Variants in RIN2 observed in about 807,000 individuals in gnomAD.
RIN2 encodes the protein RAB5 interacting protein 2.
In RIN2, 36 loss-of-function variants were observed where a neutral mutation model predicts 78.0. The observed-to-expected ratio is 0.46, with a 90% CI of 0.35 to 0.61. The LOEUF is 0.61. RIN2 is among the 20% of genes least tolerant of loss of function. RIN2 has a pLI of 0.00. For missense variants in RIN2, 1,087 were observed against 1,159.7 expected (o/e 0.94, Z 0.91); for synonymous variants, 466 against 466.8 (o/e 1.00, Z 0.02).
intron 2 of RIN2, chr20:19,886,530 G>T: frequency 1.7e-6 from 1 of 579,732 alleles, no homozygotes; most frequent in Non-Finnish European, 3.1e-6. Flanking sequence ...TCTTTCAGTG[G>T]TGTTGTTGAA....
chr20:19,900,874 C>T (rs568204057), intron 3 of RIN2, among the ~76,000 whole-genome samples: 119 of 141,144 alleles, frequency 8.4e-4, no homozygotes, highest in African/African-American at 2.7e-3. Context: ...CGCTTGAACC[C>T]GGGAGGCGGA....
intron 2 of RIN2, among the ~76,000 whole-genome samples, chr20:19,856,324 GGTCAACATAGT>G (rs1249385185): frequency 3.3e-5 from 5 of 151,916 alleles, no homozygotes; most frequent in African/African-American, 1.2e-4. Context: ...AATTCAGCCT[GGTCAACATAGT>G]GACAACCCAT....
chr20:19,898,173 GTT>G (rs1463900368), intron 3 of RIN2, among the ~76,000 whole-genome samples: 3 of 152,202 alleles, frequency 2.0e-5, no homozygotes. Flanking sequence ...GGATCTCATG[GTT>G]TTATAAATGG....
At chr20:19,906,779 T>G (rs2039238358) in intron 3 of RIN2, among the ~76,000 whole-genome samples, 1 of 152,164 alleles carries the variant, frequency 6.6e-6, no homozygotes, top group Non-Finnish European at 1.5e-5. Flanking sequence ...TTGAAACTAG[T>G]TTAACTCTAA....
At chr20:19,871,859 G>A (rs6046396) in intron 2 of RIN2, 103,815 of 152,048 alleles carry the variant, frequency 0.68, 35,544 homozygotes, top group Non-Finnish European at 0.71. Flanking sequence ...TGTTTATGAG[G>A]AGGACGCTAA....
chr20:19,929,177 T>C (rs28669331), intron 3 of RIN2, among the ~76,000 whole-genome samples: 14,298 of 152,152 alleles, frequency 0.094, 1,147 homozygotes, highest in African/African-American at 0.22. Flanking sequence ...AGGGGTGTAG[T>C]GAGCAGCACT....
chr20:19,899,152 T>A (rs2038868802), intron 3 of RIN2, among the ~76,000 whole-genome samples: 1 of 152,178 alleles, frequency 6.6e-6, no homozygotes, highest in Non-Finnish European at 1.5e-5. Context: ...CAACCAAGGA[T>A]TTTTGCCTTA....
At chr20:19,764,679 A>C (rs1325147913) in intron 1 of RIN2, among the ~76,000 whole-genome samples, 1 of 152,142 alleles carries the variant, frequency 6.6e-6, no homozygotes, top group Non-Finnish European at 1.5e-5. Flanking sequence ...TTCCTCAATC[A>C]ATTACCTAGC....
intron 4 of RIN2, among the ~76,000 whole-genome samples, chr20:19,946,586 C>T (rs1006918700): frequency 2.0e-5 from 3 of 151,346 alleles, no homozygotes; most frequent in East Asian, 1.9e-4. Context: ...GGCATGGTGG[C>T]GCTTGCCTAG....
At chr20:19,902,892 G>A (rs1294164604) in intron 3 of RIN2, among the ~76,000 whole-genome samples, 1 of 152,098 alleles carries the variant, frequency 6.6e-6, no homozygotes, top group Non-Finnish European at 1.5e-5. Context: ...AGGAGATTGA[G>A]ACCATCCTGG....
intron 2 of RIN2, among the ~76,000 whole-genome samples, chr20:19,819,552 G>A (rs1214216964): frequency 6.6e-6 from 1 of 152,108 alleles, no homozygotes; most frequent in Non-Finnish European, 1.5e-5. Context: ...AATTGAAATC[G>A]TATATGTATG....
intron 2 of RIN2, among the ~76,000 whole-genome samples, chr20:19,855,984 G>T (rs1301697422): frequency 2.0e-5 from 3 of 152,166 alleles, no homozygotes; most frequent in Non-Finnish European, 4.4e-5. Flanking sequence ...TGAGGCAGGA[G>T]AATTGCTTGA....
intron 2 of RIN2, among the ~76,000 whole-genome samples, chr20:19,886,022 G>A (rs1053089119): frequency 3.3e-5 from 5 of 152,186 alleles, no homozygotes; most frequent in African/African-American, 1.2e-4. Context: ...TAGGCGACGG[G>A]GGAGGGCAGA....
rs189793522 is a variant in RIN2 at position 19,762,163 on chromosome 20, C to A, written c.-163+3836C>A. Among the ~76,000 whole-genome samples, 507 of 152,306 alleles carry A rather than the reference C, an allele frequency of 3.3e-3. 5 individuals are homozygous for A. Among genetic ancestry groups the A allele is most frequent in the African/African-American group, 0.011 (463 of 41,566 alleles). The stretch of plus-strand genomic sequence containing the variant: ...CAGAAGCCTGCTAACAGCAATCCCT[C>A]CTCATAGGAGCTGCAGCCCCCGTTC... On this transcript the variant is annotated intron_variant, in intron 1 of 12. Transcript: ENST00000255006.
chr20:19,942,066 A>G (rs910197616), intron 4 of RIN2, among the ~76,000 whole-genome samples: 7 of 149,992 alleles, frequency 4.7e-5, no homozygotes, highest in Non-Finnish European at 8.8e-5. Flanking sequence ...GCCGAGATCA[A>G]GCCACTGCAC....
intron 4 of RIN2, among the ~76,000 whole-genome samples, chr20:19,954,747 C>G (rs1221057014): frequency 3.3e-5 from 5 of 151,970 alleles, no homozygotes; most frequent in African/African-American, 1.2e-4. Flanking sequence ...ACCCCTGTGT[C>G]CCTGACCTGA....
chr20:19,813,423 C>T (rs76836571), intron 2 of RIN2, among the ~76,000 whole-genome samples: 2,780 of 152,232 alleles, frequency 0.018, 50 homozygotes, highest in South Asian at 0.054. Context: ...TCATGGACAC[C>T]GAATACGTAC....
intron 1 of RIN2, among the ~76,000 whole-genome samples, chr20:19,791,671 A>G (rs1387465510): frequency 1.3e-5 from 2 of 152,272 alleles, no homozygotes; most frequent in African/African-American, 4.8e-5. Context: ...TATAACAAAT[A>G]TAAATCCTTA....
intron 1 of RIN2, among the ~76,000 whole-genome samples, chr20:19,795,730 C>G (rs2035034273): frequency 6.6e-6 from 1 of 152,050 alleles, no homozygotes; most frequent in Non-Finnish European, 1.5e-5. Flanking sequence ...GAAATATGTC[C>G]TAGAATGCTA....
Sources: allele counts gnomAD v4.1 joint callset (sites outside exome capture counted in the v4.1 genomes callset), GRCh38; gene constraint gnomAD v4.1.1; transcripts MANE v1.5; gene names NCBI Gene and HGNC (gene_info 2026-07-23, HGNC 2026-07-21).